The following NFS1 variants were observed in gnomAD, a reference collection of about 807,000 sequenced individuals.
The protein encoded by NFS1 is NFS1 cysteine desulfurase.
In NFS1, 26 loss-of-function variants were observed where a neutral mutation model predicts 57.3. The ratio of observed to expected loss-of-function variants is 0.45; its 90% CI spans 0.33 to 0.63. The LOEUF (loss-of-function observed/expected upper bound fraction) is 0.63. NFS1 is among the 20% of genes least tolerant of loss of function. The probability of loss-of-function intolerance (pLI) is 0.02; values close to 1 mark genes in which losing one functional copy is unlikely to be tolerated. For missense variants in NFS1, 505 were observed against 605.8 expected, an observed-to-expected ratio of 0.83 and a Z score of 1.75; for synonymous variants, 209 against 216.3, an observed-to-expected ratio of 0.97 and a Z score of 0.30.
chr20:35,684,273 G>A (rs549767927), intron 5 of NFS1, among the ~76,000 whole-genome samples: 17 of 151,830 alleles, frequency 1.1e-4, no homozygotes, highest in African/African-American at 3.1e-4. Flanking sequence ...GCGTGGTGGC[G>A]GGCGCCTATA....
chr20:35,695,203 G>A (rs187666865), intron 4 of NFS1, among the ~76,000 whole-genome samples: 1 of 152,300 alleles, frequency 6.6e-6, no homozygotes, highest in East Asian at 1.9e-4. Flanking sequence ...CACCTTTGGA[G>A]GAACCTTCAC....
intron 1 of NFS1, 38 bp from the exon 2 acceptor site, chr20:35,698,628 A>G (rs2146443969): frequency 6.4e-7 from 1 of 1,554,522 alleles, no homozygotes; most frequent in Non-Finnish European, 8.7e-7. Flanking sequence ...AGTAAGACCG[A>G]AGGCAACTAT....
chr20:35,689,700 G>A (rs1433659837), intron 5 of NFS1, among the ~76,000 whole-genome samples: 1 of 151,750 alleles, frequency 6.6e-6, no homozygotes, highest in Non-Finnish European at 1.5e-5. Flanking sequence ...AACCCGGGAG[G>A]CAGAGGTTGC....
At position 35,672,771 on chromosome 20, in the gene NFS1, G is replaced by C. The variant is rs201504973; in HGVS notation, c.1294C>G (p.Arg432Gly). The C allele has an allele frequency of 6.2e-7, 1 of 1,610,822 alleles. No homozygotes were observed. The highest frequency in any genetic ancestry group is 1.3e-5 in the African/African-American group (1 of 74,990). Residue 432 changes from arginine to glycine, a missense_variant, in exon 12 of 13, where the codon CGT (arginine) becomes GGT (glycine). Transcript: ENST00000374092. ...TATGTATACCTCATTTCTCGAAGACGCTTCACATGCTGAATGCATTTCTCC... is the reference window on the plus strand; with the variant it reads ...TATGTATACCTCATTTCTCGAAGACCCTTCACATGCTGAATGCATTTCTCC... Reference protein sequence around the residue: ...TVEKCIQHVKRLREMSPLWEM... With the variant: ...TVEKCIQHVKGLREMSPLWEM...
intron 12 of NFS1, among the ~76,000 whole-genome samples, chr20:35,672,306 A>G (rs997412293): frequency 6.7e-6 from 1 of 150,304 alleles, no homozygotes; most frequent in Non-Finnish European, 1.5e-5. Flanking sequence ...CTGCAATGCA[A>G]TGGTACAATC....
intron 12 of NFS1, among the ~76,000 whole-genome samples, chr20:35,670,714 T>A (rs1483293713): frequency 6.6e-6 from 1 of 152,098 alleles, no homozygotes; most frequent in African/African-American, 2.4e-5. Context: ...CGAAGCCACA[T>A]AGATAGGAAA....
intron 5 of NFS1, among the ~76,000 whole-genome samples, chr20:35,689,116 T>G (rs1369329541): frequency 1.3e-5 from 2 of 152,190 alleles, no homozygotes; most frequent in Non-Finnish European, 2.9e-5. Flanking sequence ...TTTGCCATGG[T>G]GAATGTGAGT....
intron 12 of NFS1, among the ~76,000 whole-genome samples, chr20:35,670,970 A>T (rs2034643018): frequency 6.6e-6 from 1 of 152,162 alleles, no homozygotes; most frequent in Non-Finnish European, 1.5e-5. Context: ...CTGAAAGTCA[A>T]GGTTAACCAA....
At chr20:35,683,254 C>T (rs926247145) in intron 5 of NFS1, among the ~76,000 whole-genome samples, 1 of 151,852 alleles carries the variant, frequency 6.6e-6, no homozygotes, top group African/African-American at 2.4e-5. Context: ...GAGGCGGAGG[C>T]GGGTGGATCA....
At chr20:35,693,377 C>T (rs2035076874) in intron 4 of NFS1, among the ~76,000 whole-genome samples, 1 of 152,084 alleles carries the variant, frequency 6.6e-6, no homozygotes, top group African/African-American at 2.4e-5. Context: ...AGATCACAGG[C>T]TTGACCCACT....
chr20:35,673,787 C>T (rs1196919004), intron 10 of NFS1, 103 bp from the exon 11 acceptor site: 9 of 842,216 alleles, frequency 1.1e-5, no homozygotes, highest in Non-Finnish European at 9.6e-6. Context: ...GGAGTCATAC[C>T]CTGGAGAAAA....
At position 35,693,645 on chromosome 20, in the gene NFS1, T is replaced by A. The variant is rs533187516; in HGVS notation, c.408+2732A>T. ...GAGTTCAAGACCAGCCTGGGCAACA[T>A]AATGAGAGCCGCATCTCTACAAAAA... On this transcript the variant is annotated intron_variant, in intron 4 of 12. Transcript: ENST00000374092. Among the ~76,000 whole-genome samples, 14 of 151,730 alleles carry A rather than the reference T, an allele frequency of 9.2e-5. No individual in the cohort carries two copies. The East Asian group carries it at 2.5e-3, about 27-fold the overall frequency.
At chr20:35,687,870 G>A (rs755028622) in intron 5 of NFS1, among the ~76,000 whole-genome samples, 1 of 152,186 alleles carries the variant, frequency 6.6e-6, no homozygotes, top group African/African-American at 2.4e-5. Context: ...GGCCAAGGTA[G>A]GAGGATCACT....
Position 35,675,084 on chromosome 20 carries a change from C to A in NFS1, c.909G>T (p.Gly303=), listed in dbSNP as rs1332409380. The change falls in exon 8 of 13, where the codon GGG becomes GGT. Residue 303 remains glycine (G), a synonymous_variant. Transcript: ENST00000374092. The part of the protein sequence containing the change: ...SGTVPTPLVV[G]LGAACEVAQQ... ...GTGCCACCTCACACGCAGCCCCCAG[C>A]CCCACCACTAAGGGTGTGGGCACTG... is the stretch of plus-strand genomic sequence containing the variant. The A allele has an allele frequency of 1.2e-6, 2 of 1,614,100 alleles. No individual in the cohort carries two copies. The highest frequency in any genetic ancestry group is 3.3e-4 in the Middle Eastern group (2 of 6,060).
At chr20:35,683,704 C>T (rs1471699543) in intron 5 of NFS1, among the ~76,000 whole-genome samples, 1 of 149,498 alleles carries the variant, frequency 6.7e-6, no homozygotes, top group Non-Finnish European at 1.5e-5. Flanking sequence ...ATCGCTTGAA[C>T]CTGGGAGGCA....
At chr20:35,683,711 G>A (rs573071776) in intron 5 of NFS1, among the ~76,000 whole-genome samples, 50 of 149,568 alleles carry the variant, frequency 3.3e-4, no homozygotes, top group African/African-American at 1.2e-3. Context: ...GAACCTGGGA[G>A]GCAGAGGTTG....
At chr20:35,681,126 G>A (rs769948657) in intron 6 of NFS1, among the ~76,000 whole-genome samples, 12 of 151,070 alleles carry the variant, frequency 7.9e-5, no homozygotes, top group Non-Finnish European at 1.6e-4. Flanking sequence ...CGAAACACTC[G>A]TGATATTCTT....
At chr20:35,669,724 G>T (rs758048378) in intron 12 of NFS1, 39 bp from the exon 13 acceptor site, 1 of 1,591,302 alleles carries the variant, frequency 6.3e-7, no homozygotes, top group Non-Finnish European at 8.6e-7. Context: ...TGAGGGCTTA[G>T]ATAGGAAGTC....
chr20:35,699,157 G>GTCCGCGCCTCC lies in NFS1; in HGVS notation c.97+24_97+34dup. The GTCCGCGCCTCC allele has an allele frequency of 7.2e-7, 1 of 1,387,518 alleles. No homozygotes were observed. Among genetic ancestry groups the GTCCGCGCCTCC allele is most frequent in the Admixed American group, 3.6e-5 (1 of 27,570 alleles). 86.0% of individuals were successfully genotyped at this position (1,387,518 alleles called of 1,614,324 possible). On this transcript the variant is annotated intron_variant, in intron 1 of 12. Transcript: ENST00000374092. The surrounding 1 kb of genome is among the most constrained non-coding windows in gnomAD (Gnocchi z 4.4). The stretch of plus-strand genomic sequence containing the variant: ...TTGCGTCGCCGCGCGGAGGGGACAG[G>GTCCGCGCCTCC]TCCGCGCCTCCCGGAGAGCGGGACC...
Sources: gnomAD v4.1 joint callset for allele counts (sites outside exome capture counted in the v4.1 genomes callset) on GRCh38, gnomAD v4.1.1 for gene constraint, Gnocchi (gnomAD v3.1) non-coding constraint, MANE v1.5 for transcripts, NCBI Gene and HGNC (gene_info 2026-07-23, HGNC 2026-07-21) for gene names.